Variants in DYSF observed in about 807,000 individuals in gnomAD.
The protein encoded by DYSF is dysferlin.
DYSF carries 212 observed loss-of-function variants against 274.9 expected under a neutral mutation model. The ratio of observed to expected loss-of-function variants is 0.77; its 90% CI spans 0.69 to 0.86. The LOEUF (loss-of-function observed/expected upper bound fraction) is 0.86. Among genes scored for constraint, DYSF ranks in the 40% least tolerant of loss-of-function variants. DYSF has a pLI of 0.00. For missense variants in DYSF, 2,666 were observed against 2,783.2 expected, an observed-to-expected ratio of 0.96 and a Z score of 0.95; for synonymous variants, 1,091 against 1,078.7, an observed-to-expected ratio of 1.01 and a Z score of -0.22.
chr2:71,532,586 G>T (rs1028545012), intron 14 of DYSF, among the ~76,000 whole-genome samples: 3 of 152,110 alleles, frequency 2.0e-5, no homozygotes, highest in African/African-American at 7.2e-5. Flanking sequence ...TGCTGTTCAA[G>T]CCCCCAGACC....
At chr2:71,565,226 G>A (rs569074420) in intron 24 of DYSF, among the ~76,000 whole-genome samples, 8 of 148,030 alleles carry the variant, frequency 5.4e-5, no homozygotes, top group African/African-American at 1.5e-4. Flanking sequence ...GATTATAGGC[G>A]TTTGCCAACC....
At chr2:71,663,040 TGC>T (rs1558764025) in intron 45 of DYSF, among the ~76,000 whole-genome samples, 4 of 150,422 alleles carry the variant, frequency 2.7e-5, no homozygotes, top group African/African-American at 5.0e-5. Flanking sequence ...TGTGTGTGTG[TGC>T]GCGCACGCGC....
chr2:71,521,000 G>A, intron 12 of DYSF, 96 bp downstream of exon 12: 1 of 974,288 alleles, frequency 1.0e-6, no homozygotes, highest in Non-Finnish European at 1.6e-6. Flanking sequence ...TTTTTTTTCT[G>A]ATTTAAACTA....
chr2:71,656,071 GT>G, intron 42 of DYSF, 90 bp from the exon 43 acceptor site: 1 of 1,497,326 alleles, frequency 6.7e-7, no homozygotes, highest in South Asian at 1.1e-5. Context: ...ACACTGTCAT[GT>G]TTCCCCTCCT....
intron 36 of DYSF, among the ~76,000 whole-genome samples, chr2:71,606,446 A>T (rs539077395): frequency 6.6e-6 from 1 of 152,108 alleles, no homozygotes; most frequent in African/African-American, 2.4e-5. Context: ...TGGCACTTTC[A>T]GTCTACACCC....
intron 29 of DYSF, among the ~76,000 whole-genome samples, chr2:71,571,280 C>T (rs1469364083): frequency 6.7e-6 from 1 of 148,354 alleles, no homozygotes; most frequent in Non-Finnish European, 1.5e-5. Flanking sequence ...AGCACACCCA[C>T]AGTTCACACC....
intron 42 of DYSF, among the ~76,000 whole-genome samples, chr2:71,650,333 T>C (rs1037110833): frequency 2.6e-5 from 4 of 151,864 alleles, no homozygotes; most frequent in African/African-American, 9.7e-5. Context: ...ATACAAAAAT[T>C]AGTCAGGCGT....
rs147454795 is a variant in DYSF at position 71,514,459 on chromosome 2, T to G, written c.759+538T>G. Among the ~76,000 whole-genome samples, 169 of 152,352 alleles carry G rather than the reference T, an allele frequency of 1.1e-3. 4 individuals are homozygous for G. The highest frequency in any genetic ancestry group is 0.01 in the Admixed American group (158 of 15,296). On this transcript the variant is annotated intron_variant, in intron 7 of 55. Transcript: ENST00000410020. ...GCCATGGATTTTTCTGAGAGTCATG[T>G]GGAATTTGAATTTGTTCAAGCTCAT...
chr2:71,622,857 C>T (rs1356021217), intron 41 of DYSF, among the ~76,000 whole-genome samples: 2 of 152,202 alleles, frequency 1.3e-5, no homozygotes, highest in Non-Finnish European at 2.9e-5. Context: ...TCAAATGATC[C>T]ACCCTCCTTG....
chr2:71,543,346 G>A (rs560493036), intron 17 of DYSF, among the ~76,000 whole-genome samples: 1 of 150,888 alleles, frequency 6.6e-6, no homozygotes, highest in Admixed American at 6.6e-5. Flanking sequence ...AGGGGATGGC[G>A]GCCGGGAAGA....
intron 51 of DYSF, among the ~76,000 whole-genome samples, chr2:71,671,065 A>G (rs998963120): frequency 6.6e-6 from 1 of 152,084 alleles, no homozygotes; most frequent in African/African-American, 2.4e-5. Context: ...GATTCTCTTC[A>G]TTACATCCCC....
chr2:71,539,126 T>C (rs1049527291), intron 16 of DYSF, 31 bp from the exon 17 acceptor site: 1 of 1,601,244 alleles, frequency 6.2e-7, no homozygotes. Context: ...TCCTTTCCTG[T>C]GTTCAGGCCC....
At position 71,686,435 on chromosome 2, in the gene DYSF, G is replaced by T. The variant is rs751319354; in HGVS notation, c.6322-19G>T. ...CCCAGTGGGATCACCATGGGTCCCT[G>T]TCTCCTCCCTCCCTCCAGAACTATG... On this transcript the variant is annotated intron_variant, in intron 55 of 55. Transcript: ENST00000410020. 2 of 1,613,960 alleles carry T rather than the reference G, an allele frequency of 1.2e-6. No individual in the cohort carries two copies. Among genetic ancestry groups the T allele is most frequent in the Middle Eastern group, 1.7e-4 (1 of 5,888 alleles).
At chr2:71,484,896 T>C (rs1403640478) in intron 3 of DYSF, among the ~76,000 whole-genome samples, 1 of 152,178 alleles carries the variant, frequency 6.6e-6, no homozygotes, top group African/African-American at 2.4e-5. Flanking sequence ...AACGGGAAGC[T>C]TCGAACCTTG....
Position 71,668,862 on chromosome 2 carries a change from G to C in DYSF, c.5546+20G>C. ...CAGAAGGTGACTTGCCCAGCCACAG[G>C]CTCTGAGCTGGGCTGAGGGGTGGGG... On this transcript the variant is annotated intron_variant, in intron 49 of 55. Coordinates refer to ENST00000410020, the MANE Select transcript of DYSF (RefSeq NM_001130987.2). 1 of 1,610,490 alleles carries C rather than the reference G, an allele frequency of 6.2e-7. No homozygotes were observed. Among genetic ancestry groups the C allele is most frequent in the Non-Finnish European group, 8.5e-7 (1 of 1,178,344 alleles).
intron 11 of DYSF, 79 bp downstream of exon 11, chr2:71,520,287 C>T: frequency 1.4e-6 from 2 of 1,446,706 alleles, no homozygotes; most frequent in South Asian, 2.3e-5. Flanking sequence ...GGGGTCCTCA[C>T]TGTCCCTCCT....
chr2:71,543,782 C>T (rs1388705174), intron 17 of DYSF, among the ~76,000 whole-genome samples: 2 of 152,038 alleles, frequency 1.3e-5, no homozygotes, highest in South Asian at 2.1e-4. Context: ...GAATCAGGCA[C>T]GGAGGTTGCA....
chr2:71,619,929 AG>A (rs1377737466), intron 40 of DYSF, among the ~76,000 whole-genome samples: 1 of 152,212 alleles, frequency 6.6e-6, no homozygotes, highest in Non-Finnish European at 1.5e-5. Flanking sequence ...GGGAGATTGT[AG>A]GCAAGGAGCT....
intron 12 of DYSF, among the ~76,000 whole-genome samples, chr2:71,522,430 A>G (rs1573715898): frequency 3.9e-5 from 6 of 152,056 alleles, no homozygotes; most frequent in Admixed American, 2.6e-4. Context: ...ATAGCGTTCG[A>G]TTCTGGAGCC....
Sources: allele counts gnomAD v4.1 joint callset (sites outside exome capture counted in the v4.1 genomes callset), GRCh38; gene constraint gnomAD v4.1.1; transcripts MANE v1.5; gene names NCBI Gene and HGNC (gene_info 2026-07-23, HGNC 2026-07-21).